Variants in CDKAL1 observed in about 807,000 individuals in gnomAD.
CDKAL1 encodes the protein CDKAL1 threonylcarbamoyladenosine tRNA methylthiotransferase.
Under a neutral mutation model 68.2 loss-of-function variants are expected in CDKAL1, and 32 were observed. The observed-to-expected ratio is 0.47, with a 90% CI of 0.35 to 0.63. The LOEUF is 0.63. Ranked by LOEUF, CDKAL1 falls within the 30% of genes least tolerant of loss-of-function variation. The pLI, the probability that CDKAL1 is intolerant of heterozygous loss-of-function variation, is 0.00. For missense variants in CDKAL1, 606 were observed against 696.7 expected, an observed-to-expected ratio of 0.87 and a Z score of 1.47; for synonymous variants, 234 against 244.3, an observed-to-expected ratio of 0.96 and a Z score of 0.39.
chr6:21,005,218 T>A (rs902035533), intron 11 of CDKAL1, among the ~76,000 whole-genome samples: 1 of 152,202 alleles, frequency 6.6e-6, no homozygotes, highest in African/African-American at 2.4e-5. Flanking sequence ...ATTAGACAAT[T>A]ACTTTAATTG....
intron 11 of CDKAL1, among the ~76,000 whole-genome samples, chr6:21,002,791 C>G (rs1057182233): frequency 6.6e-6 from 1 of 151,838 alleles, no homozygotes; most frequent in Non-Finnish European, 1.5e-5. Context: ...AGTTCAAGAT[C>G]AGTTTGGGCA....
chr6:20,587,144 G>A (rs1484373441), intron 4 of CDKAL1, among the ~76,000 whole-genome samples: 3 of 151,698 alleles, frequency 2.0e-5, no homozygotes, highest in South Asian at 2.1e-4. Flanking sequence ...GTGCCACCAC[G>A]CCCCGCTAAT....
intron 13 of CDKAL1, among the ~76,000 whole-genome samples, chr6:21,181,321 A>G (rs1333175370): frequency 2.0e-5 from 3 of 152,266 alleles, no homozygotes; most frequent in Middle Eastern, 3.4e-3. Context: ...TTGATTCCCA[A>G]TGTGGTTATA....
chr6:20,548,836 A>G (rs906958698), intron 4 of CDKAL1, 131 bp downstream of exon 4: 46 of 530,356 alleles, frequency 8.7e-5, no homozygotes, highest in African/African-American at 7.1e-4. Context: ...GTTATTACAC[A>G]TTTTGTAGAT....
At position 20,940,916 on chromosome 6, in the gene CDKAL1, G is replaced by C. The variant is rs541198312; in HGVS notation, c.743-14503G>C. ...CCATCCTGGCTAACACAGTGAAACCGCGTCTCTACTAAAAATACAAAAAAT... is the reference window on the plus strand; with the variant it reads ...CCATCCTGGCTAACACAGTGAAACCCCGTCTCTACTAAAAATACAAAAAAT... On this transcript the variant is annotated intron_variant, in intron 9 of 15. Transcript: ENST00000274695. Among the ~76,000 whole-genome samples the C allele has an allele frequency of 7.2e-5, 11 of 151,892 alleles. No homozygotes were observed. In the South Asian group the frequency reaches 8.3e-4, roughly 12 times the overall value.
chr6:20,822,425 T>G (rs1002116483), intron 8 of CDKAL1, among the ~76,000 whole-genome samples: 2 of 152,100 alleles, frequency 1.3e-5, no homozygotes, highest in African/African-American at 4.8e-5. Context: ...ACTCCCATAC[T>G]CGATAATCAG....
At chr6:21,215,506 TTTTC>T (rs1022818241) in intron 15 of CDKAL1, among the ~76,000 whole-genome samples, 6 of 152,186 alleles carry the variant, frequency 3.9e-5, no homozygotes, top group African/African-American at 1.4e-4. Context: ...TTCCTCCTCC[TTTTC>T]TACGTCCCCA....
At chr6:21,093,562 T>G (rs1773154066) in intron 12 of CDKAL1, among the ~76,000 whole-genome samples, 1 of 152,142 alleles carries the variant, frequency 6.6e-6, no homozygotes, top group Non-Finnish European at 1.5e-5. Flanking sequence ...CAGAGGAAAC[T>G]TCTTCAAGAG....
At chr6:21,042,785 G>A (rs1381531243) in intron 11 of CDKAL1, among the ~76,000 whole-genome samples, 5 of 152,092 alleles carry the variant, frequency 3.3e-5, no homozygotes, top group Non-Finnish European at 7.4e-5. Flanking sequence ...GCCTTTGATA[G>A]CTCCTTTTCC....
At chr6:20,652,241 T>A (rs1366518520) in intron 5 of CDKAL1, among the ~76,000 whole-genome samples, 1 of 152,222 alleles carries the variant, frequency 6.6e-6, no homozygotes, top group Non-Finnish European at 1.5e-5. Context: ...TTTTGAGTAT[T>A]TGTTAAGTGT....
chr6:20,654,301 T>TC (rs1349133455), intron 5 of CDKAL1, among the ~76,000 whole-genome samples: 5 of 150,754 alleles, frequency 3.3e-5, no homozygotes, highest in Non-Finnish European at 7.4e-5. Flanking sequence ...TTTTTCTGGT[T>TC]TTTTTTTTTC....
chr6:20,967,991 T>C (rs1219930295), intron 10 of CDKAL1, among the ~76,000 whole-genome samples: 2 of 152,186 alleles, frequency 1.3e-5, no homozygotes, highest in African/African-American at 4.8e-5. Context: ...GGATCCCTTA[T>C]CTATAAGTTG....
chr6:20,537,497 T>C (rs1763220818), intron 2 of CDKAL1, among the ~76,000 whole-genome samples: 1 of 151,832 alleles, frequency 6.6e-6, no homozygotes. Context: ...TCCCAGCTAC[T>C]CGGGAGGCTG....
At chr6:20,786,962 A>G (rs769631481) in intron 8 of CDKAL1, among the ~76,000 whole-genome samples, 8 of 152,032 alleles carry the variant, frequency 5.3e-5, no homozygotes, top group African/African-American at 7.2e-5. Flanking sequence ...TTCTTTGGCA[A>G]TTTTTATCTT....
At chr6:20,748,446 G>T in intron 6 of CDKAL1, among the ~76,000 whole-genome samples, 1 of 151,350 alleles carries the variant, frequency 6.6e-6, no homozygotes, top group Non-Finnish European at 1.5e-5. Flanking sequence ...GGAGTTCCAG[G>T]CTGTGGCGAG....
intron 8 of CDKAL1, among the ~76,000 whole-genome samples, chr6:20,818,889 T>A (rs2150437276): frequency 6.6e-6 from 1 of 152,064 alleles, no homozygotes; most frequent in Middle Eastern, 3.4e-3. Flanking sequence ...TTGCATTATG[T>A]TTAGAATTTA....
chr6:20,818,347 C>G (rs1485500719), intron 8 of CDKAL1, among the ~76,000 whole-genome samples: 1 of 152,118 alleles, frequency 6.6e-6, no homozygotes, highest in Non-Finnish European at 1.5e-5. Flanking sequence ...GCAATAAACT[C>G]AAATTATTAT....
chr6:20,633,410 A>G (rs1767759591), intron 4 of CDKAL1, among the ~76,000 whole-genome samples: 1 of 152,344 alleles, frequency 6.6e-6, no homozygotes, highest in Middle Eastern at 3.4e-3. Context: ...GCATAAATAT[A>G]CCACATTTTA....
intron 13 of CDKAL1, among the ~76,000 whole-genome samples, chr6:21,186,249 A>G (rs1293755255): frequency 6.6e-6 from 1 of 151,992 alleles, no homozygotes; most frequent in Admixed American, 6.6e-5. Context: ...CTCAATCCTG[A>G]CTGGCAAATG....
Sources: gnomAD v4.1 joint callset for allele counts (sites outside exome capture counted in the v4.1 genomes callset) on GRCh38, gnomAD v4.1.1 for gene constraint, MANE v1.5 for transcripts, NCBI Gene and HGNC (gene_info 2026-07-23, HGNC 2026-07-21) for gene names.